Variants in FAM200B observed in about 807,000 individuals in gnomAD.
FAM200B encodes protein FAM200B.
Under a neutral mutation model 33.1 loss-of-function variants are expected in FAM200B, and 32 were observed. The ratio of observed to expected loss-of-function variants is 0.97; its 90% CI spans 0.73 to 1.30. The LOEUF (loss-of-function observed/expected upper bound fraction) is 1.30, where lower values mean the gene tolerates loss of function less well. Ranked by LOEUF, FAM200B falls within the 50% of genes most tolerant of loss-of-function variation. FAM200B has a pLI of 0.00. For synonymous variants in FAM200B, 240 were observed against 264.8 expected, an observed-to-expected ratio of 0.91 and a Z score of 0.91; for missense variants, 741 against 754.0, an observed-to-expected ratio of 0.98 and a Z score of 0.20.
chr4:15,644,544 A>C, the FAM200B span: 1 of 1,614,030 alleles, frequency 6.2e-7, no homozygotes. Context: ...CGGAGAGTTT[A>C]TTGTCAGAAT....
chr4:15,666,464 C>G, the FAM200B span, among the ~76,000 whole-genome samples: 1 of 151,960 alleles, frequency 6.6e-6, no homozygotes, highest in Non-Finnish European at 1.5e-5. Context: ...TAAAGTTAAA[C>G]TCATATAAGT....
the FAM200B span, among the ~76,000 whole-genome samples, chr4:15,673,447 AATAAAG>A: frequency 2.0e-5 from 3 of 152,190 alleles, no homozygotes; most frequent in African/African-American, 4.8e-5. Context: ...TCTCAAAAAA[AATAAAG>A]ATAAAATAAG....
chr4:15,647,955 G>C, the FAM200B span, among the ~76,000 whole-genome samples: 1 of 152,214 alleles, frequency 6.6e-6, no homozygotes, highest in African/African-American at 2.4e-5. Flanking sequence ...CTGGGCTCAA[G>C]TGATCCTCCT....
At chr4:15,671,187 A>T in the FAM200B span, among the ~76,000 whole-genome samples, 1 of 151,776 alleles carries the variant, frequency 6.6e-6, no homozygotes, top group South Asian at 2.1e-4. Flanking sequence ...GCCTTCCAAA[A>T]TTCTGGGATT....
upstream of FAM200B, chr4:15,681,240 CAAA>C (rs1035672543): frequency 1.3e-5 from 2 of 152,250 alleles, no homozygotes; most frequent in Non-Finnish European, 2.9e-5. Context: ...TATCAAAGTT[CAAA>C]ATTCTCTAAT....
In FAM200B at chr4:15,687,116, A is replaced by C. The variant is rs1435239549; in HGVS notation, c.139A>C (p.Thr47Pro). The C allele has an allele frequency of 5.2e-6, 8 of 1,548,944 alleles. No individual in the cohort carries two copies. The highest frequency in any genetic ancestry group is 2.7e-5 in the African/African-American group (2 of 72,954). ...TACTGACTCCAATCTGCAAACTTCAACTTCATTTGAGCCACATTTCAAAAA... is the reference window on the plus strand; with the variant it reads ...TACTGACTCCAATCTGCAAACTTCACCTTCATTTGAGCCACATTTCAAAAA... Reference protein sequence around the residue: ...KNTDSNLQTSTSFEPHFKKKK... With the variant: ...KNTDSNLQTSPSFEPHFKKKK... Residue 47 changes from threonine to proline, a missense_variant, in exon 2 of 2, where the codon ACT becomes CCT. Physicochemically the swap from Thr to Pro is conservative, Grantham distance 38 (BLOSUM62 -1). Coordinates refer to ENST00000422728, the MANE Select transcript of FAM200B (RefSeq NM_001145191.2).
At chr4:15,655,463 C>T in the FAM200B span, 92 of 902,456 alleles carry the variant, frequency 1.0e-4, no homozygotes, top group African/African-American at 1.1e-3. Context: ...CCATGCGATC[C>T]CTGCGGCCCA....
the FAM200B span, chr4:15,655,279 G>C: frequency 4.9e-6 from 7 of 1,429,726 alleles, no homozygotes; most frequent in Admixed American, 2.2e-5. Flanking sequence ...CTTCAGGAAA[G>C]GGCGCCATCG....
chr4:15,652,328 G>T, the FAM200B span, among the ~76,000 whole-genome samples: 1 of 152,266 alleles, frequency 6.6e-6, no homozygotes, highest in African/African-American at 2.4e-5. Context: ...TCCTAACAAT[G>T]ACTTGGGTTT....
chr4:15,682,426 GA>G (rs1718393714), intron 1 of FAM200B, among the ~76,000 whole-genome samples: 1 of 152,166 alleles, frequency 6.6e-6, no homozygotes, highest in African/African-American at 2.4e-5. Flanking sequence ...CTGAATTGGA[GA>G]AATAAATGAT....
the FAM200B span, among the ~76,000 whole-genome samples, chr4:15,666,985 A>G: frequency 6.6e-6 from 1 of 152,200 alleles, no homozygotes; most frequent in Non-Finnish European, 1.5e-5. Context: ...AATGTATACA[A>G]TTATAAATTA....
the FAM200B span, among the ~76,000 whole-genome samples, chr4:15,644,960 G>A: frequency 1.7e-3 from 252 of 152,182 alleles, no homozygotes; most frequent in African/African-American, 5.8e-3. Flanking sequence ...CACAAATCAC[G>A]GTTTCTTTAA....
the FAM200B span, among the ~76,000 whole-genome samples, chr4:15,649,511 C>A: frequency 7.0e-6 from 1 of 142,238 alleles, no homozygotes; most frequent in Non-Finnish European, 1.5e-5. Context: ...ACCCGGGAGG[C>A]AGAGGTTGCA....
intron 1 of FAM200B, among the ~76,000 whole-genome samples, chr4:15,683,946 A>G (rs2148855580): frequency 6.6e-6 from 1 of 152,362 alleles, no homozygotes; most frequent in Middle Eastern, 3.4e-3. Context: ...AAGATTTATT[A>G]GTGGAAAATC....
At position 15,687,965 on chromosome 4, in the gene FAM200B, C is replaced by G; in HGVS notation, c.988C>G (p.Arg330Gly). 1 of 1,550,998 alleles carries G rather than the reference C, an allele frequency of 6.4e-7. No individual in the cohort carries two copies. Among genetic ancestry groups the G allele is most frequent in the Non-Finnish European group, 8.7e-7 (1 of 1,146,580 alleles). The change falls in exon 2 of 2, where the codon CGT becomes GGT. Residue 330 changes from arginine to glycine, a missense_variant. Transcript: ENST00000422728. ...GAVWNHCFIH[R>G]EGLASREIPQ... ...TGTGTGGAATCATTGTTTTATACAT[C>G]GTGAAGGTTTAGCATCCAGAGAAAT...
chr4:15,641,842 C>G, the FAM200B span, among the ~76,000 whole-genome samples: 1 of 152,108 alleles, frequency 6.6e-6, no homozygotes, highest in East Asian at 1.9e-4. Context: ...GCCAGCCCAA[C>G]GCGGCGAAAC....
chr4:15,659,692 C>T, the FAM200B span: 3 of 981,246 alleles, frequency 3.1e-6, no homozygotes, highest in Non-Finnish European at 3.6e-6. Context: ...AGAGAAGAGC[C>T]TTCCATTTCC....
chr4:15,650,696 C>A, the FAM200B span, among the ~76,000 whole-genome samples: 2 of 115,198 alleles, frequency 1.7e-5, no homozygotes, highest in Admixed American at 1.2e-4. Context: ...GAGACAGAGT[C>A]TCACTCTGTC....
At chr4:15,640,482 C>T in the FAM200B span, among the ~76,000 whole-genome samples, 1 of 149,862 alleles carries the variant, frequency 6.7e-6, no homozygotes, top group Non-Finnish European at 1.5e-5. Context: ...TCTAAAGGTT[C>T]TGAAAAGACA....
Sources: allele counts gnomAD v4.1 joint callset (sites outside exome capture counted in the v4.1 genomes callset), GRCh38; gene constraint gnomAD v4.1.1; transcripts MANE v1.5; gene names NCBI Gene and HGNC (gene_info 2026-07-23, HGNC 2026-07-21).